Variants in TNPO1 observed in about 807,000 individuals in gnomAD.
The protein encoded by TNPO1 is transportin-1.
A neutral mutation model predicts 119.5 loss-of-function variants in TNPO1; 8 were observed. That is an observed-to-expected ratio of 0.07 (90% CI 0.04 to 0.12). The LOEUF (loss-of-function observed/expected upper bound fraction) is 0.12. Ranked by LOEUF, TNPO1 falls within the 10% of genes least tolerant of loss-of-function variation. The probability of loss-of-function intolerance (pLI) is 1.00; values close to 1 mark genes in which losing one functional copy is unlikely to be tolerated. For synonymous variants in TNPO1, 362 were observed against 363.0 expected (o/e 1.00, Z 0.03); for missense variants, 576 against 1,089.8 (o/e 0.53, Z 6.64).
chr5:72,893,033 G>C (rs1749179640), intron 15 of TNPO1, 106 bp from the exon 16 acceptor site: 1 of 807,546 alleles, frequency 1.2e-6, no homozygotes, highest in Non-Finnish European at 2.0e-6. Context: ...GAAACTAGTA[G>C]AGCAAGCTCA....
In TNPO1 at chr5:72,877,236, A is replaced by G. The variant is rs773046117; in HGVS notation, c.810A>G (p.Leu270=). 4 of 1,601,532 alleles carry G rather than the reference A, an allele frequency of 2.5e-6. No homozygotes were observed. In the Admixed American group the frequency reaches 6.7e-5, roughly 27 times the overall value. Residue 270 remains leucine, a synonymous_variant, in exon 9 of 25, where the codon CTA becomes CTG. Coordinates refer to ENST00000337273, the MANE Select transcript of TNPO1 (RefSeq NM_002270.4). ...GGATATTGTGTTTCCAGTACATGCT[A>G]CAGAGGACTCAAGATCAAGATGAAA... ...PHMHNIVEYM[L]QRTQDQDENV...
At chr5:72,838,081 C>T (rs1374889060) in intron 1 of TNPO1, among the ~76,000 whole-genome samples, 1 of 152,148 alleles carries the variant, frequency 6.6e-6, no homozygotes, top group African/African-American at 2.4e-5. Flanking sequence ...GCTAATCAGC[C>T]TACTAACCAC....
chr5:72,841,365 C>T (rs1286978676), intron 1 of TNPO1, among the ~76,000 whole-genome samples: 2 of 152,134 alleles, frequency 1.3e-5, no homozygotes, highest in African/African-American at 4.8e-5. Context: ...GCGATCCACC[C>T]GCCTCAGCCT....
At chr5:72,835,952 ATCT>A (rs1181009165) in intron 1 of TNPO1, among the ~76,000 whole-genome samples, 1 of 152,222 alleles carries the variant, frequency 6.6e-6, no homozygotes, top group Non-Finnish European at 1.5e-5. Flanking sequence ...CTCCAGAATA[ATCT>A]TCTTTGACTT....
At chr5:72,818,962 G>C (rs1202651119) in intron 1 of TNPO1, among the ~76,000 whole-genome samples, 1 of 152,196 alleles carries the variant, frequency 6.6e-6, no homozygotes, top group African/African-American at 2.4e-5. Context: ...GAGTCTTCTG[G>C]GTTGTACAAG....
In TNPO1 at chr5:72,888,404, G is replaced by T. The variant is rs41271141; in HGVS notation, c.1529+101G>T. ...TGTTAAACCTATAATGAAGTGTTTC[G>T]TAATTGAAAATTTTCCAGTTATATC... is the stretch of plus-strand genomic sequence containing the variant. On this transcript the variant is annotated intron_variant, in intron 13 of 24. Transcript: ENST00000337273. 2.4e-4 allele frequency: 258 copies of T among 1,054,894 alleles called. 1 individual carries two copies. Among genetic ancestry groups the T allele is most frequent in the Admixed American group, 5.8e-4 (20 of 34,490 alleles). 65.3% of individuals were successfully genotyped at this position (1,054,894 alleles called of 1,614,324 possible).
intron 3 of TNPO1, among the ~76,000 whole-genome samples, chr5:72,852,179 CT>C (rs1299117859): frequency 6.6e-6 from 1 of 152,132 alleles, no homozygotes; most frequent in Non-Finnish European, 1.5e-5. Flanking sequence ...CTACATGAAA[CT>C]TTTTCATGAC....
chr5:72,905,429 C>A lies in TNPO1; in HGVS notation c.*19C>A. The A allele has an allele frequency of 6.5e-7, 1 of 1,543,946 alleles. No homozygotes were observed. On this transcript the variant is annotated 3_prime_UTR_variant, in exon 24 of 25. Transcript: ENST00000337273. ...TGTTTAATCTAATACACTTAAGCTGCAGTCCCAAAATTAGGGGTAAGTTAT... is the reference window on the plus strand; with the variant it reads ...TGTTTAATCTAATACACTTAAGCTGAAGTCCCAAAATTAGGGGTAAGTTAT...
chr5:72,906,525 T>C (rs185147), intron 24 of TNPO1, among the ~76,000 whole-genome samples: 1 of 151,890 alleles, frequency 6.6e-6, no homozygotes, highest in Non-Finnish European at 1.5e-5. Flanking sequence ...CTCCTGACCT[T>C]GTGATGCACC....
At chr5:72,869,790 A>T (rs371442943) in intron 6 of TNPO1, among the ~76,000 whole-genome samples, 3 of 152,242 alleles carry the variant, frequency 2.0e-5, no homozygotes, top group Non-Finnish European at 2.9e-5. Context: ...AACAAATGCC[A>T]TTTATATAGT....
intron 5 of TNPO1, chr5:72,862,340 G>A (rs1746517247): frequency 6.2e-6 from 1 of 161,294 alleles, no homozygotes; most frequent in African/African-American, 2.4e-5. Flanking sequence ...TTTTGTTTTT[G>A]TTTTTTGAGA....
At chr5:72,868,779 G>A (rs1011249014) in intron 6 of TNPO1, among the ~76,000 whole-genome samples, 6 of 151,944 alleles carry the variant, frequency 3.9e-5, no homozygotes, top group East Asian at 1.9e-4. Context: ...GGCTGGGCGC[G>A]GTGGATCACC....
At chr5:72,878,985 G>A in intron 9 of TNPO1, 1 of 464,126 alleles carries the variant, frequency 2.2e-6, no homozygotes, top group South Asian at 1.6e-5. Context: ...AGATTACTCT[G>A]GCTTTGTTTA....
intron 18 of TNPO1, among the ~76,000 whole-genome samples, chr5:72,895,558 C>T (rs2112470497): frequency 6.6e-6 from 1 of 152,004 alleles, no homozygotes; most frequent in East Asian, 1.9e-4. Context: ...CCCCTTCCCC[C>T]CAACAAAAAA....
At chr5:72,817,639 A>G (rs1743759470) in intron 1 of TNPO1, among the ~76,000 whole-genome samples, 1 of 152,228 alleles carries the variant, frequency 6.6e-6, no homozygotes, top group South Asian at 2.1e-4. Flanking sequence ...AGCTGTATTA[A>G]GAAGCTTAAT....
In TNPO1 at chr5:72,851,312, A is replaced by G; in HGVS notation, c.198A>G (p.Lys66=). 1 of 1,561,906 alleles carries G rather than the reference A, an allele frequency of 6.4e-7. No individual in the cohort carries two copies. Among genetic ancestry groups the G allele is most frequent in the Non-Finnish European group, 8.8e-7 (1 of 1,134,810 alleles). The change falls in exon 3 of 25, where the codon AAA becomes AAG. Residue 66 remains lysine (K), a synonymous_variant. Coordinates refer to ENST00000337273, the MANE Select transcript of TNPO1 (RefSeq NM_002270.4). ...TGATTTTTGTTCTTACAAAATTAAA[A>G]TCTGAAGGTAAGTAGGATTTGTATT... is the stretch of plus-strand genomic sequence containing the variant. The part of the protein sequence containing the change: ...NYLIFVLTKL[K]SEDEPTRSLS...
At chr5:72,827,646 A>G (rs1744264075) in intron 1 of TNPO1, among the ~76,000 whole-genome samples, 1 of 152,170 alleles carries the variant, frequency 6.6e-6, no homozygotes. Flanking sequence ...AACTAGTAGT[A>G]TTTAGTGGTA....
At position 72,893,717 on chromosome 5, in the gene TNPO1, C is replaced by G; in HGVS notation, c.2143+14C>G. 1 of 1,608,256 alleles carries G rather than the reference C, an allele frequency of 6.2e-7. No homozygotes were observed. On this transcript the variant is annotated intron_variant, in intron 18 of 24. Transcript: ENST00000337273. ...AGCCTTGTATAGGTATGAATATTTTCTACTGCTATGAATATGGTTTTTTAA... is the reference window on the plus strand; with the variant it reads ...AGCCTTGTATAGGTATGAATATTTTGTACTGCTATGAATATGGTTTTTTAA...
At chr5:72,885,855 C>G (rs756450454) in intron 11 of TNPO1, among the ~76,000 whole-genome samples, 14 of 149,872 alleles carry the variant, frequency 9.3e-5, no homozygotes, top group Non-Finnish European at 1.6e-4. Flanking sequence ...CCATTTTGTA[C>G]TACTATAACA....
Sources: allele counts gnomAD v4.1 joint callset (sites outside exome capture counted in the v4.1 genomes callset), GRCh38; gene constraint gnomAD v4.1.1; transcripts MANE v1.5; gene names NCBI Gene and HGNC (gene_info 2026-07-23, HGNC 2026-07-21).